CCDC57: variants seen among roughly 807,000 people sequenced by gnomAD.
The protein encoded by CCDC57 is coiled-coil domain-containing protein 57.
CCDC57 carries 118 observed loss-of-function variants against 118.9 expected under a neutral mutation model. That is an observed-to-expected ratio of 0.99 (90% CI 0.86 to 1.16). The LOEUF is 1.16. Ranked by LOEUF, CCDC57 falls within the 50% of genes most tolerant of loss-of-function variation. The probability of loss-of-function intolerance (pLI) is 0.00; values close to 1 mark genes in which losing one functional copy is unlikely to be tolerated. For missense variants in CCDC57, 1,300 were observed against 1,320.7 expected (o/e 0.98, Z 0.24); for synonymous variants, 527 against 532.9 (o/e 0.99, Z 0.15).
At chr17:82,122,765 C>A (rs926104516) in intron 19 of CCDC57, among the ~76,000 whole-genome samples, 1 of 152,248 alleles carries the variant, frequency 6.6e-6, no homozygotes, top group African/African-American at 2.4e-5. Flanking sequence ...AGCCCCTTCC[C>A]CTGCCTCCTC....
At chr17:82,207,025 T>A (rs893362038) in intron 2 of CCDC57, among the ~76,000 whole-genome samples, 2 of 152,154 alleles carry the variant, frequency 1.3e-5, no homozygotes, top group African/African-American at 4.8e-5. Flanking sequence ...TTTGTAGGAC[T>A]AACAAATTAG....
At chr17:82,134,286 T>C (rs756867947) in intron 16 of CCDC57, 92 bp from the exon 16 acceptor site, 3 of 1,233,076 alleles carry the variant, frequency 2.4e-6, no homozygotes, top group Non-Finnish European at 3.1e-6. Flanking sequence ...GAACAGCATG[T>C]TCCTTTTCAA....
At chr17:82,115,792 C>CTTTTT (rs35213711) in intron 19 of CCDC57, among the ~76,000 whole-genome samples, 3 of 65,682 alleles carry the variant, frequency 4.6e-5, no homozygotes, top group African/African-American at 1.3e-4. Flanking sequence ...TTTATGCAAC[C>CTTTTT]TTTTTTTTTT....
intron 14 of CCDC57, chr17:82,160,106 T>C (rs995742704): frequency 2.0e-5 from 3 of 152,000 alleles, no homozygotes; most frequent in Non-Finnish European, 2.9e-5. Flanking sequence ...ATGTTCTGCG[T>C]TAGAGAAGAA....
At chr17:82,128,547 G>A in exon 18 of CCDC57, 1 of 1,575,302 alleles carries the variant, frequency 6.3e-7, no homozygotes, top group East Asian at 2.3e-5. Flanking sequence ...AGCGGGGCTG[G>A]TGCTTTCCCA....
intron 19 of CCDC57, among the ~76,000 whole-genome samples, chr17:82,123,155 G>A (rs989241478): frequency 6.9e-6 from 1 of 145,154 alleles, no homozygotes. Context: ...TAGAGACAGG[G>A]TCTTGCTCTC....
chr17:82,156,328 A>G (rs1343043980), intron 15 of CCDC57: 1 of 152,064 alleles, frequency 6.6e-6, no homozygotes, highest in East Asian at 1.9e-4. Context: ...GCTTATTTGT[A>G]TAAATTCTTG....
exon 20 of CCDC57, chr17:82,101,589 G>A: frequency 8.9e-7 from 1 of 1,128,416 alleles, no homozygotes; most frequent in African/African-American, 1.6e-5. Context: ...CCTGCACGCT[G>A]TGCCCACACC....
chr17:82,157,922 G>A lies in CCDC57; in HGVS notation c.2067C>T (p.Ala689=), dbSNP rs548988993. Residue 689 remains alanine (A), a synonymous_variant, in exon 15 of 20, where the codon GCC becomes GCT. Transcript: ENST00000665763. ...CACGGGGAAGCTCACGCTGGAGAGC[G>A]GCCGGCTCCAGGGGTTCCCGCAGCA... 2.1e-4 allele frequency: 330 copies of A among 1,559,554 alleles called. 5 individuals are homozygous for A. In the South Asian group the frequency reaches 3.5e-3, roughly 16 times the overall value.
chr17:82,160,881 A>G, intron 14 of CCDC57, among the ~76,000 whole-genome samples: 1 of 150,100 alleles, frequency 6.7e-6, no homozygotes. Flanking sequence ...CTCAAAAAAA[A>G]AAAAAAAAAA....
intron 7 of CCDC57, among the ~76,000 whole-genome samples, chr17:82,190,567 T>C (rs1479545384): frequency 6.6e-6 from 1 of 151,918 alleles, no homozygotes; most frequent in Non-Finnish European, 1.5e-5. Flanking sequence ...TAGTGGTGCA[T>C]GCCTGTACTC....
rs929903215 is a variant in CCDC57, at chr17:82,164,962, T to C, written c.1883-1605A>G. 4.6e-5 allele frequency among the ~76,000 whole-genome samples: 7 copies of C among 152,254 alleles called. No homozygotes were observed. In the East Asian group the frequency reaches 1.3e-3, roughly 29 times the overall value. The stretch of plus-strand genomic sequence containing the variant: ...TGATTCCAAAACCTCCCATGAACAT[T>C]ATGAGAATTGAAAATTATGGGCCAG... On this transcript the variant is annotated intron_variant, in intron 13 of 19. Transcript: ENST00000665763.
intron 19 of CCDC57, among the ~76,000 whole-genome samples, chr17:82,125,315 A>C (rs113493413): frequency 0.013 from 1,945 of 152,170 alleles, 41 homozygotes; most frequent in African/African-American, 0.044. Flanking sequence ...AAGCGGGAGG[A>C]TCGCTTGAGC....
At chr17:82,178,530 G>C (rs375294411) in exon 11 of CCDC57, 3 of 1,613,784 alleles carry the variant, frequency 1.9e-6, no homozygotes, top group East Asian at 2.2e-5. Context: ...GCCTGGTCTC[G>C]TTCCAGGGTC....
intron 16 of CCDC57, among the ~76,000 whole-genome samples, chr17:82,147,697 A>G (rs1178678972): frequency 1.6e-4 from 16 of 97,946 alleles, no homozygotes; most frequent in Non-Finnish European, 2.4e-4. Flanking sequence ...GGGTGGGTGG[A>G]TGGATGGATG....
intron 4 of CCDC57, among the ~76,000 whole-genome samples, chr17:82,195,710 A>T (rs764237163): frequency 3.9e-5 from 6 of 152,158 alleles, no homozygotes; most frequent in African/African-American, 1.4e-4. Context: ...CCAAAACAAG[A>T]CAAGAAATCA....
chr17:82,149,973 AC>A (rs1444483630), intron 16 of CCDC57, among the ~76,000 whole-genome samples: 1 of 135,484 alleles, frequency 7.4e-6, no homozygotes, highest in Non-Finnish European at 1.6e-5. Flanking sequence ...TCAGAACCTG[AC>A]CCGCACCCAG....
chr17:82,120,832 T>C (rs1344325238), intron 19 of CCDC57, among the ~76,000 whole-genome samples: 4 of 152,090 alleles, frequency 2.6e-5, no homozygotes, highest in African/African-American at 9.7e-5. Flanking sequence ...CTCGGCTCAC[T>C]GCAAGCTCCG....
At chr17:82,176,859 T>C (rs2045579297) in intron 11 of CCDC57, among the ~76,000 whole-genome samples, 1 of 152,126 alleles carries the variant, frequency 6.6e-6, no homozygotes, top group Non-Finnish European at 1.5e-5. Flanking sequence ...TTTTTTTTTT[T>C]TTCCTGCTTC....
Sources: allele counts gnomAD v4.1 joint callset (sites outside exome capture counted in the v4.1 genomes callset), GRCh38; gene constraint gnomAD v4.1.1; transcripts MANE v1.5; gene names NCBI Gene and HGNC (gene_info 2026-07-23, HGNC 2026-07-21).